Variants in ZCCHC14 observed in about 807,000 individuals in gnomAD.
The protein encoded by ZCCHC14 is zinc finger CCHC-type containing 14.
In ZCCHC14, 16 loss-of-function variants were observed where a neutral mutation model predicts 85.0. The ratio of observed to expected loss-of-function variants is 0.19; its 90% confidence interval spans 0.13 to 0.29. The LOEUF is 0.29. Ranked by LOEUF, ZCCHC14 falls within the 10% of genes least tolerant of loss-of-function variation. ZCCHC14 has a pLI of 1.00. For missense variants in ZCCHC14, 1,303 were observed against 1,443.5 expected, an observed-to-expected ratio of 0.90 and a Z score of 1.58; for synonymous variants, 775 against 630.7, an observed-to-expected ratio of 1.23 and a Z score of -3.43.
intron 8 of ZCCHC14, among the ~76,000 whole-genome samples, chr16:87,417,117 G>T (rs902498396): frequency 6.6e-6 from 1 of 152,210 alleles, no homozygotes; most frequent in African/African-American, 2.4e-5. Context: ...GTCTGCGCCA[G>T]CTACGCCGAG....
rs1908311504 is a variant in ZCCHC14 at position 87,408,769 on chromosome 16, A to G, written c.*1511T>C. 6.6e-6 allele frequency: 1 copy of G among 152,432 alleles called. No homozygotes were observed. Among genetic ancestry groups the G allele is most frequent in the Non-Finnish European group, 1.5e-5 (1 of 68,038 alleles). 9.4% of individuals were successfully genotyped at this position (152,432 alleles called of 1,614,324 possible). On this transcript the variant is annotated 3_prime_UTR_variant, in exon 13 of 13. Transcript: ENST00000671377. ...CGCTCACATCACAAGGCCTCATTCT[A>G]GGGTATTCTTCTGATTTACATCAAT...
At chr16:87,483,693 G>A (rs991721570) in intron 1 of ZCCHC14, among the ~76,000 whole-genome samples, 6 of 152,154 alleles carry the variant, frequency 3.9e-5, no homozygotes, top group African/African-American at 9.7e-5. Flanking sequence ...TAACTCGCTG[G>A]GCTCGTTAAA....
intron 1 of ZCCHC14, among the ~76,000 whole-genome samples, chr16:87,460,728 T>G (rs1270715195): frequency 6.6e-6 from 1 of 152,010 alleles, no homozygotes; most frequent in East Asian, 1.9e-4. Flanking sequence ...CAAGGTGGCA[T>G]GAATTATATA....
chr16:87,430,889 C>G (rs143079357), intron 3 of ZCCHC14, among the ~76,000 whole-genome samples: 103 of 152,254 alleles, frequency 6.8e-4, no homozygotes, highest in Middle Eastern at 3.4e-3. Context: ...CCTGTAATCC[C>G]AGCACTTTGG....
chr16:87,408,841 T>C lies in ZCCHC14; in HGVS notation c.*1439A>G, dbSNP rs1176788766. ...CATTTTAAGAATAGTCTGAATATTATAATTTTTTTTAAAATAAATATCCAA... is the reference window on the plus strand; with the variant it reads ...CATTTTAAGAATAGTCTGAATATTACAATTTTTTTTAAAATAAATATCCAA... On this transcript the variant is annotated 3_prime_UTR_variant, in exon 13 of 13. Transcript: ENST00000671377. 6.6e-6 allele frequency: 1 copy of C among 152,604 alleles called. No individual in the cohort carries two copies. The highest frequency in any genetic ancestry group is 6.5e-5 in the Admixed American group (1 of 15,286). The allele number at this position is 152,604 out of a possible 1,614,324, so 9.5% of individuals were successfully genotyped here. A position where few individuals can be genotyped will look rare whatever the true frequency, so the allele number is the denominator to read the frequency against.
Position 87,445,698 on chromosome 16 carries a change from C to T in ZCCHC14, c.695-12497G>A, listed in dbSNP as rs151274139. Among the ~76,000 whole-genome samples the T allele has an allele frequency of 3.2e-3, 494 of 152,254 alleles. 2 individuals are homozygous for T. Among genetic ancestry groups the T allele is most frequent in the African/African-American group, 0.012 (481 of 41,526 alleles). On this transcript the variant is annotated intron_variant, in intron 2 of 12. Coordinates refer to ENST00000671377, the MANE Select transcript of ZCCHC14 (RefSeq NM_015144.3). ...GCCGCTACGACTATGTGATGACGCG[C>T]CGACCTGAGAAACACACATGCTGAC... is the stretch of plus-strand genomic sequence containing the variant.
chr16:87,429,655 G>A (rs1250222997), intron 3 of ZCCHC14, among the ~76,000 whole-genome samples: 1 of 152,102 alleles, frequency 6.6e-6, no homozygotes, highest in Non-Finnish European at 1.5e-5. Flanking sequence ...TGCCCAAGCT[G>A]GAGTGCAGTG....
chr16:87,415,109 C>T (rs1047617519), intron 9 of ZCCHC14, among the ~76,000 whole-genome samples, 167 bp downstream of exon 9: 11 of 151,946 alleles, frequency 7.2e-5, no homozygotes, highest in Admixed American at 6.6e-4. Flanking sequence ...AAAAATAATC[C>T]GTCTCAAAAA....
At position 87,417,663 on chromosome 16, in the gene ZCCHC14, C is replaced by A. The variant is rs890816684; in HGVS notation, c.1180G>T (p.Ala394Ser). 1 of 1,612,244 alleles carries A rather than the reference C, an allele frequency of 6.2e-7. No individual in the cohort carries two copies. Among genetic ancestry groups the A allele is most frequent in the African/African-American group, 1.3e-5 (1 of 75,040 alleles). Residue 394 changes from alanine (A) to serine (S), a missense_variant, in exon 8 of 13, where the codon GCC becomes TCC. Ala to Ser is a moderately conservative substitution (Grantham distance 99, BLOSUM62 1). Coordinates refer to ENST00000671377, the MANE Select transcript of ZCCHC14 (RefSeq NM_015144.3). ...HHGQHPAGSA[A>S]PLPHCSHAGS... The stretch of plus-strand genomic sequence containing the variant: ...GCATGGGAGCAGTGAGGCAAGGGGG[C>A]GGCGGAGCCGGCCGGGTGCTGCCCG...
chr16:87,457,740 C>T (rs1911045259), intron 2 of ZCCHC14, among the ~76,000 whole-genome samples: 1 of 152,196 alleles, frequency 6.6e-6, no homozygotes, highest in South Asian at 2.1e-4. Context: ...ATACAACTTA[C>T]TGTGACTTTA....
rs925590470 is a variant in ZCCHC14, at chr16:87,491,438, C to T, written c.570+231G>A. 6.7e-6 allele frequency among the ~76,000 whole-genome samples: 1 copy of T among 149,494 alleles called. No individual in the cohort carries two copies. Among genetic ancestry groups the T allele is most frequent in the Non-Finnish European group, 1.5e-5 (1 of 67,810 alleles). Reference sequence around the variant, plus strand: ...ATGTACGGCGGAGGCTTGGGATGTACGGTGGAGGCTTGGAGAGGTGGGGCA... The same window carrying T: ...ATGTACGGCGGAGGCTTGGGATGTATGGTGGAGGCTTGGAGAGGTGGGGCA... On this transcript the variant is annotated intron_variant, in intron 1 of 12. Transcript: ENST00000671377. This position sits in a 1 kb window ranked among gnomAD's most constrained non-coding sequence, Gnocchi z 5.9.
chr16:87,465,574 C>T (rs879650078), intron 1 of ZCCHC14, among the ~76,000 whole-genome samples: 5 of 152,158 alleles, frequency 3.3e-5, no homozygotes, highest in African/African-American at 1.2e-4. Context: ...TTGGGCAGCC[C>T]GCCTCTGGCT....
At chr16:87,473,202 GA>G (rs1334970417) in intron 1 of ZCCHC14, 1 of 150,800 alleles carries the variant, frequency 6.6e-6, no homozygotes, top group Non-Finnish European at 1.5e-5. Flanking sequence ...TTATCTACAG[GA>G]CTTTTTTTTT....
At position 87,416,791 on chromosome 16, in the gene ZCCHC14, A is replaced by C. The variant is rs557103768; in HGVS notation, c.1383+669T>G. On this transcript the variant is annotated intron_variant, in intron 8 of 12. Coordinates refer to ENST00000671377, the MANE Select transcript of ZCCHC14 (RefSeq NM_015144.3). ...AAAAAAACATTCACAAATCCTAAAC[A>C]AAGGGTATTACAAATATACTTACAA... Among the ~76,000 whole-genome samples the C allele has an allele frequency of 4.6e-5, 7 of 152,306 alleles. No individual in the cohort carries two copies. In the South Asian group the frequency reaches 1.4e-3, roughly 32 times the overall value.
intron 1 of ZCCHC14, chr16:87,467,649 C>G (rs1002669665): frequency 1.1e-6 from 1 of 946,744 alleles, no homozygotes; most frequent in Non-Finnish European, 1.7e-6. Context: ...TTTCCCTGGT[C>G]GAACGGTTTC....
intron 1 of ZCCHC14, among the ~76,000 whole-genome samples, chr16:87,475,424 G>A (rs1911959765): frequency 6.6e-6 from 1 of 151,810 alleles, no homozygotes; most frequent in African/African-American, 2.4e-5. Flanking sequence ...GTGGTGGTGG[G>A]CGCCTGTAAT....
At chr16:87,425,637 G>C (rs566475940) in intron 3 of ZCCHC14, among the ~76,000 whole-genome samples, 573 of 152,030 alleles carry the variant, frequency 3.8e-3, no homozygotes, top group African/African-American at 0.013. Flanking sequence ...CTCCTTCTCT[G>C]CCTTAAATAT....
At chr16:87,417,894 G>A (rs1908878966) in intron 7 of ZCCHC14, 152 bp from the exon 8 acceptor site, 1 of 889,622 alleles carries the variant, frequency 1.1e-6, no homozygotes, top group Non-Finnish European at 1.6e-6. Context: ...CAACACTGCT[G>A]TGCTATGACT....
intron 11 of ZCCHC14, 36 bp downstream of exon 11, chr16:87,413,019 G>A (rs577051571): frequency 1.2e-6 from 2 of 1,614,060 alleles, no homozygotes; most frequent in Non-Finnish European, 1.7e-6. Flanking sequence ...TCCACAGCTG[G>A]GCCAGGTCGA....
Sources: gnomAD v4.1 joint callset for allele counts (sites outside exome capture counted in the v4.1 genomes callset) on GRCh38, gnomAD v4.1.1 for gene constraint, Gnocchi (gnomAD v3.1) non-coding constraint, MANE v1.5 for transcripts, NCBI Gene and HGNC (gene_info 2026-07-23, HGNC 2026-07-21) for gene names.